ST8SIA1: variants seen among roughly 807,000 people sequenced by gnomAD.
The protein encoded by ST8SIA1 is alpha-N-acetylneuraminide alpha-2,8-sialyltransferase.
ST8SIA1 carries 16 observed loss-of-function variants against 35.9 expected under a neutral mutation model. The observed-to-expected ratio is 0.45, with a 90% CI of 0.30 to 0.68. The LOEUF (loss-of-function observed/expected upper bound fraction) is 0.68. ST8SIA1 is among the 30% of genes least tolerant of loss of function. ST8SIA1 has a pLI of 0.09. For missense variants in ST8SIA1, 383 were observed against 453.6 expected (o/e 0.84, Z 1.41); for synonymous variants, 170 against 169.6 (o/e 1.00, Z -0.02).
chr12:22,233,003 G>C (rs559812287), intron 4 of ST8SIA1, among the ~76,000 whole-genome samples: 41 of 152,222 alleles, frequency 2.7e-4, no homozygotes, highest in Non-Finnish European at 4.6e-4. Flanking sequence ...AATTGGCAAA[G>C]CAGAATTAAG....
intron 2 of ST8SIA1, among the ~76,000 whole-genome samples, chr12:22,277,502 G>T (rs935233903): frequency 1.3e-5 from 2 of 151,720 alleles, no homozygotes; most frequent in African/African-American, 4.8e-5. Flanking sequence ...GAATAGCAGG[G>T]ATTACAGGTG....
At chr12:22,270,617 C>A (rs947844398) in intron 2 of ST8SIA1, among the ~76,000 whole-genome samples, 2 of 151,894 alleles carry the variant, frequency 1.3e-5, no homozygotes. Context: ...TTTACGTGAA[C>A]CTAGAGTGTG....
intron 4 of ST8SIA1, among the ~76,000 whole-genome samples, chr12:22,228,587 G>A (rs188049154): frequency 6.6e-6 from 1 of 152,292 alleles, no homozygotes; most frequent in East Asian, 1.9e-4. Flanking sequence ...CAGAGTCATT[G>A]CCATTGGAGA....
At chr12:22,317,527 G>A (rs1413514237) in intron 1 of ST8SIA1, among the ~76,000 whole-genome samples, 1 of 152,176 alleles carries the variant, frequency 6.6e-6, no homozygotes, top group African/African-American at 2.4e-5. Flanking sequence ...GGTTGTTGGT[G>A]GCCTCAGTTC....
At chr12:22,254,387 C>T (rs893932943) in intron 3 of ST8SIA1, among the ~76,000 whole-genome samples, 1 of 152,078 alleles carries the variant, frequency 6.6e-6, no homozygotes, top group African/African-American at 2.4e-5. Flanking sequence ...TCTGAATGAC[C>T]CCATCATCTG....
At chr12:22,289,446 C>A (rs1866148472) in intron 1 of ST8SIA1, among the ~76,000 whole-genome samples, 1 of 152,108 alleles carries the variant, frequency 6.6e-6, no homozygotes, top group South Asian at 2.1e-4. Context: ...TGCTCAGAAC[C>A]ATTTTGATTC....
chr12:22,205,368 T>C (rs1865095139), intron 4 of ST8SIA1, among the ~76,000 whole-genome samples: 1 of 152,052 alleles, frequency 6.6e-6, no homozygotes, highest in South Asian at 2.1e-4. Flanking sequence ...AGCCCATGAA[T>C]TATTAAAATA....
At chr12:22,301,843 A>G (rs572726203) in intron 1 of ST8SIA1, among the ~76,000 whole-genome samples, 2 of 152,278 alleles carry the variant, frequency 1.3e-5, no homozygotes, top group South Asian at 4.1e-4. Flanking sequence ...GAACCTCAAG[A>G]AGAGAGTAAT....
intron 1 of ST8SIA1, among the ~76,000 whole-genome samples, chr12:22,310,574 T>A (rs951462266): frequency 6.6e-6 from 1 of 152,218 alleles, no homozygotes; most frequent in South Asian, 2.1e-4. Context: ...AGAAGCTGCA[T>A]CTATGCTTTC....
intron 1 of ST8SIA1, among the ~76,000 whole-genome samples, chr12:22,317,587 C>T (rs1296250305): frequency 6.6e-6 from 1 of 152,216 alleles, no homozygotes. Flanking sequence ...AGGGTCTCTC[C>T]ATAGACTGCC....
At chr12:22,217,205 C>A (rs1270076301) in intron 4 of ST8SIA1, among the ~76,000 whole-genome samples, 1 of 152,112 alleles carries the variant, frequency 6.6e-6, no homozygotes. Flanking sequence ...GTGTTCATCT[C>A]TTATGGTCTC....
At chr12:22,257,205 C>T (rs1392024707) in intron 2 of ST8SIA1, among the ~76,000 whole-genome samples, 1 of 151,766 alleles carries the variant, frequency 6.6e-6, no homozygotes, top group African/African-American at 2.4e-5. Flanking sequence ...AGAGGAACTG[C>T]AATTATTATT....
chr12:22,284,196 C>T (rs370630784), intron 2 of ST8SIA1, among the ~76,000 whole-genome samples: 61 of 151,932 alleles, frequency 4.0e-4, no homozygotes, highest in African/African-American at 1.5e-3. Context: ...AGTAGGCAAA[C>T]GAATAACATT....
intron 4 of ST8SIA1, among the ~76,000 whole-genome samples, chr12:22,225,793 C>T (rs745941587): frequency 6.6e-6 from 1 of 152,142 alleles, no homozygotes; most frequent in Non-Finnish European, 1.5e-5. Flanking sequence ...CTTTGTGAAA[C>T]AAGAACCACT....
intron 4 of ST8SIA1, among the ~76,000 whole-genome samples, chr12:22,218,461 T>C (rs1232464791): frequency 2.0e-5 from 3 of 150,372 alleles, no homozygotes; most frequent in Admixed American, 6.7e-5. Context: ...CTATAAAAAA[T>C]ACAAAAATTA....
At chr12:22,211,577 C>A (rs1865176441) in intron 4 of ST8SIA1, among the ~76,000 whole-genome samples, 1 of 152,164 alleles carries the variant, frequency 6.6e-6, no homozygotes, top group Non-Finnish European at 1.5e-5. Context: ...AAAGCCTTAT[C>A]TGTAATGCTT....
At chr12:22,272,415 T>C (rs1865921930) in intron 2 of ST8SIA1, among the ~76,000 whole-genome samples, 1 of 152,228 alleles carries the variant, frequency 6.6e-6, no homozygotes, top group Non-Finnish European at 1.5e-5. Context: ...GTTCATAATC[T>C]GGATGAAACC....
At chr12:22,209,666 T>C (rs1300859376) in intron 4 of ST8SIA1, among the ~76,000 whole-genome samples, 1 of 152,204 alleles carries the variant, frequency 6.6e-6, no homozygotes, top group East Asian at 1.9e-4. Flanking sequence ...CCATCACTTC[T>C]TTTAGGTCTT....
rs957245610 is a variant in ST8SIA1, at chr12:22,195,226, A to T, written c.*6326T>A. The T allele has an allele frequency of 2.0e-5, 3 of 147,638 alleles. No individual in the cohort carries two copies. Among genetic ancestry groups the T allele is most frequent in the Admixed American group, 6.8e-5 (1 of 14,726 alleles). The allele number at this position is 147,638 out of a possible 1,614,324, so 9.1% of individuals were successfully genotyped here. On this transcript the variant is annotated 3_prime_UTR_variant, in exon 5 of 5. Coordinates refer to ENST00000396037, the MANE Select transcript of ST8SIA1 (RefSeq NM_003034.4). ...AAAAAAAAAAAAGAAAGAAAGAAAG[A>T]AAGGAAAAAGAAAACGGGAGTGTTG...
Sources: gnomAD v4.1 joint callset for allele counts (sites outside exome capture counted in the v4.1 genomes callset) on GRCh38, gnomAD v4.1.1 for gene constraint, MANE v1.5 for transcripts, NCBI Gene and HGNC (gene_info 2026-07-23, HGNC 2026-07-21) for gene names.